Variants in ATP5PB observed in about 807,000 individuals in gnomAD.
ATP5PB encodes the protein ATP synthase peripheral stalk-membrane subunit b.
ATP5PB carries 21 observed loss-of-function variants against 34.5 expected under a neutral mutation model. That is an observed-to-expected ratio of 0.61 (90% CI 0.43 to 0.88). The LOEUF (loss-of-function observed/expected upper bound fraction) is 0.88. Ranked by LOEUF, ATP5PB falls within the 40% of genes least tolerant of loss-of-function variation. The pLI, the probability that ATP5PB is intolerant of heterozygous loss-of-function variation, is 0.00. For missense variants in ATP5PB, 293 were observed against 317.4 expected, an observed-to-expected ratio of 0.92 and a Z score of 0.58; for synonymous variants, 108 against 114.1, an observed-to-expected ratio of 0.95 and a Z score of 0.34.
intron 6 of ATP5PB, among the ~76,000 whole-genome samples, chr1:111,460,440 T>G (rs1653587792): frequency 6.7e-6 from 1 of 149,020 alleles, no homozygotes; most frequent in Admixed American, 6.6e-5. Flanking sequence ...ATCAAAGTTT[T>G]TTTTTTTTTT....
At position 111,454,357 on chromosome 1, in the gene ATP5PB, G is replaced by C. The variant is rs1170924945; in HGVS notation, c.223+1G>C. 1 of 1,592,994 alleles carries C rather than the reference G, an allele frequency of 6.3e-7. No individual in the cohort carries two copies. Among genetic ancestry groups the C allele is most frequent in the East Asian group, 2.2e-5 (1 of 44,460 alleles). ...CTTTATCCTAAAACTGGTGTAACAG[G>C]TGAGCATTTTTGCCTAGTCTCTGGT... On this transcript the variant is annotated splice_donor_variant, in intron 3 of 6. Coordinates refer to ENST00000369722, the MANE Select transcript of ATP5PB (RefSeq NM_001688.5). LOFTEE classifies it high-confidence loss of function.
chr1:111,462,643 T>G lies in ATP5PB; in HGVS notation c.*1649T>G, dbSNP rs1044842081. 6.6e-6 allele frequency: 1 copy of G among 152,260 alleles called. No homozygotes were observed. The highest frequency in any genetic ancestry group is 1.5e-5 in the Non-Finnish European group (1 of 68,044). 9.4% of individuals were successfully genotyped at this position (152,260 alleles called of 1,614,324 possible). On this transcript the variant is annotated 3_prime_UTR_variant, in exon 7 of 7. Transcript: ENST00000369722. ...GACTTCCTAAGATTTTATGTAATAA[T>G]CATTTGAGTCAATATTGGTAGCTAA...
Position 111,455,764 on chromosome 1 carries a change from C to T in ATP5PB, c.224-322C>T, listed in dbSNP as rs141750092. On this transcript the variant is annotated intron_variant, in intron 3 of 6. Transcript: ENST00000369722. ...TTGTAGAATAGTTTAATTTACTGTGCGGGGTATTGTGCTTAACATTATTTC... is the reference window on the plus strand; with the variant it reads ...TTGTAGAATAGTTTAATTTACTGTGTGGGGTATTGTGCTTAACATTATTTC... Among the ~76,000 whole-genome samples the T allele has an allele frequency of 1.0e-3, 153 of 152,196 alleles. 2 individuals carry two copies. Among genetic ancestry groups the T allele is most frequent in the African/African-American group, 3.5e-3 (145 of 41,502 alleles).
chr1:111,454,049 T>G (rs371884231), intron 2 of ATP5PB, among the ~76,000 whole-genome samples, 162 bp from the exon 3 acceptor site: 7 of 152,364 alleles, frequency 4.6e-5, no homozygotes, highest in Middle Eastern at 3.4e-3. Flanking sequence ...CACAGCTGAT[T>G]ACTGGACCCT....
chr1:111,451,535 C>T (rs1027611059), intron 2 of ATP5PB, among the ~76,000 whole-genome samples: 4 of 152,224 alleles, frequency 2.6e-5, no homozygotes, highest in Non-Finnish European at 5.9e-5. Flanking sequence ...GCCATGTTAC[C>T]GGTGCCTAGC....
rs1314219787 is a variant in ATP5PB, at chr1:111,462,051, A to C, written c.*1057A>C. The C allele has an allele frequency of 6.6e-6, 1 of 152,224 alleles. No individual in the cohort carries two copies. Among genetic ancestry groups the C allele is most frequent in the Non-Finnish European group, 1.5e-5 (1 of 68,038 alleles). 9.4% of individuals were successfully genotyped at this position (152,224 alleles called of 1,614,324 possible). On this transcript the variant is annotated 3_prime_UTR_variant, in exon 7 of 7. Transcript: ENST00000369722. ...TTATGGAAAAGTGTGGTGATTCCTC[A>C]TAAAATTAAAATGGAAATACCATGA...
intron 3 of ATP5PB, among the ~76,000 whole-genome samples, chr1:111,455,663 T>G (rs1002087965): frequency 1.3e-5 from 2 of 152,236 alleles, no homozygotes; most frequent in African/African-American, 4.8e-5. Flanking sequence ...TGTGTAAATT[T>G]TATCCGGTCT....
chr1:111,456,644 A>G lies in ATP5PB; in HGVS notation c.402A>G (p.Gln134=), dbSNP rs1303518117. ...CACAATTGTAGCAAAAACTTGCCCA[A>G]CTAGAAGAGGCGAAGCAGGCTTCCA... The part of the protein sequence containing the change: ...ADKLNEQKLA[Q]LEEAKQASIQ... Residue 134 remains glutamine (Q), a synonymous_variant, in exon 5 of 7, where the codon CAA becomes CAG. Coordinates refer to ENST00000369722, the MANE Select transcript of ATP5PB (RefSeq NM_001688.5). 1 of 1,612,824 alleles carries G rather than the reference A, an allele frequency of 6.2e-7. No homozygotes were observed. The highest frequency in any genetic ancestry group is 1.3e-5 in the African/African-American group (1 of 75,000).
chr1:111,449,908 T>A (rs774801705), intron 2 of ATP5PB, 35 bp downstream of exon 2: 1 of 1,613,300 alleles, frequency 6.2e-7, no homozygotes, highest in Admixed American at 1.7e-5. Context: ...TTCGTCTTTG[T>A]TTTCACTACC....
At chr1:111,457,503 G>T (rs902450383) in intron 5 of ATP5PB, among the ~76,000 whole-genome samples, 5 of 152,176 alleles carry the variant, frequency 3.3e-5, no homozygotes, top group African/African-American at 4.8e-5. Context: ...ATTTAAAAGT[G>T]AGGTGCTGTT....
Position 111,456,210 on chromosome 1 carries a change from T to C in ATP5PB, c.348T>C (p.Tyr116=). Residue 116 remains tyrosine (Y), a synonymous_variant, in exon 4 of 7, where the codon TAT becomes TAC. Coordinates refer to ENST00000369722, the MANE Select transcript of ATP5PB (RefSeq NM_001688.5). Reference sequence around the variant, plus strand: ...TAATGGTCTATGGAATTAAAAAATATGGTCCCTTTGTTGCAGACTTTGCTG... The same window carrying C: ...TAATGGTCTATGGAATTAAAAAATACGGTCCCTTTGTTGCAGACTTTGCTG... ...LGVMVYGIKK[Y]GPFVADFADK... is the part of the protein sequence containing the mutation. The C allele has an allele frequency of 6.2e-7, 1 of 1,609,608 alleles. No individual in the cohort carries two copies. The highest frequency in any genetic ancestry group is 8.5e-7 in the Non-Finnish European group (1 of 1,178,274).
rs542994912 is a variant in ATP5PB, at chr1:111,458,995, C to T, written c.514-462C>T. Among the ~76,000 whole-genome samples the T allele has an allele frequency of 2.0e-5, 3 of 152,142 alleles. No individual in the cohort carries two copies. In the East Asian group the frequency reaches 5.8e-4, roughly 29 times the overall value. The stretch of plus-strand genomic sequence containing the variant: ...CTACAAATGTTAACTATTATTTGAT[C>T]CAGCAAGTATTATGACATAAACACA... On this transcript the variant is annotated intron_variant, in intron 5 of 6. Transcript: ENST00000369722.
intron 5 of ATP5PB, among the ~76,000 whole-genome samples, chr1:111,457,311 A>AC (rs1653500326): frequency 2.2e-5 from 3 of 134,348 alleles, no homozygotes; most frequent in African/African-American, 9.5e-5. Context: ...AGACTCTCTC[A>AC]AACACACACA....
intron 2 of ATP5PB, among the ~76,000 whole-genome samples, chr1:111,453,320 G>A (rs1239949659): frequency 6.6e-6 from 1 of 151,252 alleles, no homozygotes; most frequent in Admixed American, 6.6e-5. Context: ...ACTGGCAATA[G>A]TAAGTTCTCA....
chr1:111,449,603 C>G (rs761649524), intron 1 of ATP5PB, 22 bp downstream of exon 1: 1 of 1,586,834 alleles, frequency 6.3e-7, no homozygotes, highest in South Asian at 1.1e-5. Context: ...AGACCCTGCT[C>G]TGGACTATCA....
intron 2 of ATP5PB, among the ~76,000 whole-genome samples, chr1:111,450,655 T>C (rs898941243): frequency 2.6e-5 from 4 of 152,094 alleles, no homozygotes; most frequent in African/African-American, 9.7e-5. Context: ...CCATAAGACA[T>C]GTCCATTTTC....
rs1048675736 is a variant in ATP5PB, at chr1:111,456,901, C to G, written c.513+146C>G. 10 of 997,528 alleles carry G rather than the reference C, an allele frequency of 1.0e-5. 1 individual carries two copies. Among genetic ancestry groups the G allele is most frequent in the Non-Finnish European group, 1.2e-5 (9 of 734,292 alleles). The allele number at this position is 997,528 out of a possible 1,614,324, so 61.8% of individuals were successfully genotyped here. ...TTTGTGTAGGAGTTGGCATTCACGGCTATTCAAACATTTAAGAACTGTCAA... is the reference window on the plus strand; with the variant it reads ...TTTGTGTAGGAGTTGGCATTCACGGGTATTCAAACATTTAAGAACTGTCAA... On this transcript the variant is annotated intron_variant, in intron 5 of 6. Transcript: ENST00000369722.
At position 111,449,874 on chromosome 1, in the gene ATP5PB, G is replaced by T. The variant is rs750786257; in HGVS notation, c.77+1G>T. On this transcript the variant is annotated splice_donor_variant, in intron 2 of 6. Transcript: ENST00000369722. LOFTEE classifies it high-confidence loss of function. ...AGAATGCAGCCTTCCTAGGTCCAGG[G>T]TAAGTGTGAGGATAATGCTCCCTTT... 6.2e-7 allele frequency: 1 copy of T among 1,614,162 alleles called. No homozygotes were observed.
In ATP5PB at chr1:111,456,716, A is replaced by C; in HGVS notation, c.474A>C (p.Ala158=). ...TTGATACGGAGAAGTCACAACAGGC[A>C]CTGGTTCAGAAGCGCCATTACCTTT... ...NAIDTEKSQQ[A]LVQKRHYLFD... The change falls in exon 5 of 7, where the codon GCA becomes GCC. Residue 158 remains alanine, a synonymous_variant. Coordinates refer to ENST00000369722, the MANE Select transcript of ATP5PB (RefSeq NM_001688.5). The C allele has an allele frequency of 6.2e-7, 1 of 1,613,438 alleles. No homozygotes were observed. Among genetic ancestry groups the C allele is most frequent in the Non-Finnish European group, 8.5e-7 (1 of 1,179,772 alleles).
Sources: gnomAD v4.1 joint callset for allele counts (sites outside exome capture counted in the v4.1 genomes callset) on GRCh38, gnomAD v4.1.1 for gene constraint, MANE v1.5 for transcripts, NCBI Gene and HGNC (gene_info 2026-07-23, HGNC 2026-07-21) for gene names.